Variants in ATG7 observed in about 807,000 individuals in gnomAD.
ATG7 encodes the protein autophagy related 7.
Under a neutral mutation model 82.4 loss-of-function variants are expected in ATG7, and 70 were observed. The observed-to-expected ratio is 0.85, with a 90% CI of 0.70 to 1.04. The LOEUF (loss-of-function observed/expected upper bound fraction) is 1.04, where lower values mean the gene tolerates loss of function less well. Among genes scored for constraint, ATG7 ranks in the 50% least tolerant of loss-of-function variants. The pLI, the probability that ATG7 is intolerant of heterozygous loss-of-function variation, is 0.00. For synonymous variants in ATG7, 287 were observed against 313.0 expected, an observed-to-expected ratio of 0.92 and a Z score of 0.88; for missense variants, 792 against 864.3, an observed-to-expected ratio of 0.92 and a Z score of 1.05.
intron 9 of ATG7, among the ~76,000 whole-genome samples, chr3:11,318,790 A>C (rs537218465): frequency 4.0e-5 from 6 of 151,752 alleles, no homozygotes; most frequent in Admixed American, 1.3e-4. Context: ...AGCTTCCCCC[A>C]TCTCTCTGCC....
chr3:11,429,948 G>GAAA lies in ATG7; in HGVS notation c.2079+3040_2079+3042dup, dbSNP rs542247546. ...GCGACAGAGCGAGACTCTGTCTCAG[G>GAAA]AAAAAAAAAAAAAAAAAAAATTCTG... On this transcript the variant is annotated intron_variant, in intron 20 of 20. Coordinates refer to ENST00000693202, the MANE Select transcript of ATG7 (RefSeq NM_001349232.2). 7.1e-5 allele frequency among the ~76,000 whole-genome samples: 9 copies of GAAA among 126,156 alleles called. 1 individual carries two copies. The highest frequency in any genetic ancestry group is 2.7e-4 in the South Asian group (1 of 3,768). 82.8% of individuals were successfully genotyped at this position (126,156 alleles called of 152,430 possible).
intron 18 of ATG7, among the ~76,000 whole-genome samples, chr3:11,372,813 T>TGTGCGCGCGTGTGCGTGTGTGTGC (rs2077096540): frequency 2.5e-5 from 2 of 79,362 alleles, no homozygotes; most frequent in Non-Finnish European, 5.8e-5. Flanking sequence ...TGTGTGTGTG[T>TGTGCGCGCGTGTGCGTGTGTGTGC]GTGCGCGCGT....
chr3:11,431,222 C>T (rs574376449), intron 20 of ATG7, among the ~76,000 whole-genome samples: 54 of 152,240 alleles, frequency 3.5e-4, no homozygotes, highest in Admixed American at 1.0e-3. Context: ...GCCAACATGG[C>T]GAAACCTTGT....
At chr3:11,376,746 T>C (rs1319808523) in intron 18 of ATG7, among the ~76,000 whole-genome samples, 1 of 152,146 alleles carries the variant, frequency 6.6e-6, no homozygotes. Flanking sequence ...TATATTTTAT[T>C]TTTATTTTTT....
At chr3:11,492,188 G>A (rs1372557635) in intron 20 of ATG7, among the ~76,000 whole-genome samples, 3 of 152,232 alleles carry the variant, frequency 2.0e-5, no homozygotes, top group Non-Finnish European at 4.4e-5. Context: ...AAGCCCATCG[G>A]AAAGGCGCAG....
intron 16 of ATG7, among the ~76,000 whole-genome samples, chr3:11,362,545 A>G (rs1180418751): frequency 6.6e-6 from 1 of 152,228 alleles, no homozygotes; most frequent in Non-Finnish European, 1.5e-5. Flanking sequence ...TATATGAGGC[A>G]GCTAAGCCCT....
At chr3:11,336,567 A>G (rs956849464) in intron 11 of ATG7, among the ~76,000 whole-genome samples, 3 of 152,230 alleles carry the variant, frequency 2.0e-5, no homozygotes, top group Admixed American at 6.5e-5. Context: ...TCTATATCAT[A>G]ATGTAAACTG....
At chr3:11,343,686 A>G (rs190328709) in intron 13 of ATG7, among the ~76,000 whole-genome samples, 1 of 152,318 alleles carries the variant, frequency 6.6e-6, no homozygotes, top group Admixed American at 6.5e-5. Flanking sequence ...GTAAAGATCT[A>G]GCTACTTTTG....
At chr3:11,370,322 G>C (rs561046440) in intron 18 of ATG7, among the ~76,000 whole-genome samples, 1 of 151,002 alleles carries the variant, frequency 6.6e-6, no homozygotes, top group Non-Finnish European at 1.5e-5. Context: ...TAGTTTTTCT[G>C]CCCCCTTGGT....
chr3:11,285,139 CTTTTTTT>C (rs34116945), intron 3 of ATG7, among the ~76,000 whole-genome samples: 2 of 104,108 alleles, frequency 1.9e-5, no homozygotes, highest in Admixed American at 1.2e-4. Context: ...TGTGAGCCAC[CTTTTTTT>C]TTTTTTTTTT....
chr3:11,308,115 C>G (rs925152224), intron 6 of ATG7, among the ~76,000 whole-genome samples: 1 of 152,148 alleles, frequency 6.6e-6, no homozygotes, highest in African/African-American at 2.4e-5. Context: ...AACTGGGGGC[C>G]TCTCTTCAGT....
chr3:11,385,608 C>G (rs2078263484), intron 19 of ATG7, among the ~76,000 whole-genome samples: 1 of 152,186 alleles, frequency 6.6e-6, no homozygotes, highest in African/African-American at 2.4e-5. Context: ...AAATGCCCTA[C>G]AGCAAGGTCT....
intron 20 of ATG7, among the ~76,000 whole-genome samples, chr3:11,522,767 GC>G (rs551384976): frequency 2.3e-3 from 349 of 152,282 alleles, no homozygotes; most frequent in African/African-American, 8.1e-3. Context: ...CCTGTCAAAT[GC>G]CCACCCCAGG....
At position 11,384,684 on chromosome 3, in the gene ATG7, G is replaced by A. The variant is rs1326730340; in HGVS notation, c.1956+4632G>A. Among the ~76,000 whole-genome samples the A allele has an allele frequency of 3.9e-5, 6 of 152,124 alleles. No individual in the cohort carries two copies. The East Asian group carries it at 9.6e-4, about 24-fold the overall frequency. On this transcript the variant is annotated intron_variant, in intron 19 of 20. Transcript: ENST00000693202. ...TTACTTATGAAGCATGAAAGGCTAGGCATGGTGGCTCACACCTGTAATCCC... is the reference window on the plus strand; with the variant it reads ...TTACTTATGAAGCATGAAAGGCTAGACATGGTGGCTCACACCTGTAATCCC...
At chr3:11,311,619 A>C (rs1446178476) in intron 7 of ATG7, among the ~76,000 whole-genome samples, 1 of 151,970 alleles carries the variant, frequency 6.6e-6, no homozygotes, top group Non-Finnish European at 1.5e-5. Context: ...AAAAAAAAAA[A>C]AGATTTTGTG....
chr3:11,553,063 G>A (rs2071973874), intron 20 of ATG7, among the ~76,000 whole-genome samples: 1 of 152,122 alleles, frequency 6.6e-6, no homozygotes, highest in Non-Finnish European at 1.5e-5. Flanking sequence ...CCTCCAAGGA[G>A]GCTGGGCAGG....
intron 18 of ATG7, among the ~76,000 whole-genome samples, chr3:11,368,731 C>T (rs1367633595): frequency 2.8e-5 from 3 of 108,668 alleles, no homozygotes; most frequent in Non-Finnish European, 6.2e-5. Flanking sequence ...GAGGGAGTCC[C>T]TGTCTCAAAA....
chr3:11,474,873 G>A (rs575183557), intron 20 of ATG7, among the ~76,000 whole-genome samples: 1 of 152,114 alleles, frequency 6.6e-6, no homozygotes, highest in Non-Finnish European at 1.5e-5. Context: ...GGGTGGGAGT[G>A]GGGGGCCGGA....
chr3:11,452,658 T>G lies in ATG7; in HGVS notation c.2079+25732T>G, dbSNP rs56091620. 3.8e-3 allele frequency among the ~76,000 whole-genome samples: 581 copies of G among 152,246 alleles called. 4 individuals are homozygous for G. Among genetic ancestry groups the G allele is most frequent in the African/African-American group, 0.013 (540 of 41,520 alleles). ...TGGAAAACCAGTTAACATGGTTTAT[T>G]CACCCAGGCCTGAGATCCATAATGA... On this transcript the variant is annotated intron_variant, in intron 20 of 20. Transcript: ENST00000693202.
Sources: gnomAD v4.1 joint callset for allele counts (sites outside exome capture counted in the v4.1 genomes callset) on GRCh38, gnomAD v4.1.1 for gene constraint, MANE v1.5 for transcripts, NCBI Gene and HGNC (gene_info 2026-07-23, HGNC 2026-07-21) for gene names.